CES3: variants seen among roughly 807,000 people sequenced by gnomAD.
The protein encoded by CES3 is carboxylesterase 3 (brain).
Under a neutral mutation model 57.6 loss-of-function variants are expected in CES3, and 49 were observed. The observed-to-expected ratio is 0.85, with a 90% CI of 0.68 to 1.08. The LOEUF (loss-of-function observed/expected upper bound fraction) is 1.08. CES3 is among the 50% of genes least tolerant of loss of function. CES3 has a pLI of 0.00. For synonymous variants in CES3, 266 were observed against 281.6 expected (o/e 0.94, Z 0.55); for missense variants, 645 against 742.0 (o/e 0.87, Z 1.52).
Position 66,963,903 on chromosome 16 carries a change from C to G in CES3, c.528C>G (p.Val176=). ...AAYGDVVVVT[V]QYRLGVLGFF... is the part of the protein sequence containing the mutation. ...ATGGGGATGTGGTCGTGGTTACAGT[C>G]CAGTACCGCCTTGGGGTCCTTGGCT... is the stretch of plus-strand genomic sequence containing the variant. Residue 176 remains valine (V), a synonymous_variant, in exon 4 of 13, where the codon GTC becomes GTG. Transcript: ENST00000303334. This position sits in a 1 kb window ranked among gnomAD's most constrained non-coding sequence, Gnocchi z 4.9. The G allele has an allele frequency of 6.2e-7, 1 of 1,614,058 alleles. No individual in the cohort carries two copies.
chr16:66,968,642 G>A (rs750129019), intron 8 of CES3, among the ~76,000 whole-genome samples: 2 of 152,118 alleles, frequency 1.3e-5, no homozygotes, highest in East Asian at 1.9e-4. Flanking sequence ...AGCCGGGTGC[G>A]GTGGCTCATG....
Position 66,973,385 on chromosome 16 carries a change from T to C in CES3, c.*336T>C. The C allele has an allele frequency of 8.3e-6, 2 of 242,218 alleles. No homozygotes were observed. Among genetic ancestry groups the C allele is most frequent in the South Asian group, 1.3e-4 (2 of 15,426 alleles). 15.0% of individuals were successfully genotyped at this position (242,218 alleles called of 1,614,324 possible). ...TGTGCGGCCCCGAGTCTGCGTCCAT[T>C]AGAGCACAGTCCACCCGAGGCTAGC... is the stretch of plus-strand genomic sequence containing the variant. On this transcript the variant is annotated 3_prime_UTR_variant, in exon 13 of 13. Coordinates refer to ENST00000303334, the MANE Select transcript of CES3 (RefSeq NM_024922.6).
chr16:66,961,341 CTGGTCGGGG>C lies in CES3; in HGVS notation c.40_48del (p.Gly14_Val16del), dbSNP rs1963648647. On this transcript the variant is annotated inframe_deletion, in exon 1 of 13. Coordinates refer to ENST00000303334, the MANE Select transcript of CES3 (RefSeq NM_024922.6). ...AGCAGTGAGAGTGGAGTCCGGGGTC[CTGGTCGGGG>C]TGGTCTGTCTGCTCCTGGCATGCCC... The C allele has an allele frequency of 6.2e-7, 1 of 1,613,694 alleles. No individual in the cohort carries two copies. Among genetic ancestry groups the C allele is most frequent in the East Asian group, 2.2e-5 (1 of 44,892 alleles).
chr16:66,964,299 C>T, intron 4 of CES3, 58 bp from the exon 5 acceptor site: 6 of 1,588,886 alleles, frequency 3.8e-6, no homozygotes, highest in Non-Finnish European at 5.1e-6. Context: ...CAAAGCAAAC[C>T]TGCAGAGGCT....
intron 1 of CES3, 41 bp downstream of exon 1, chr16:66,961,430 G>A (rs71647884): frequency 0.012 from 18,081 of 1,518,170 alleles, 147 homozygotes; most frequent in Middle Eastern, 0.019. Flanking sequence ...ACTTGGTGTG[G>A]AGGAGTCAAG....
intron 9 of CES3, among the ~76,000 whole-genome samples, 165 bp downstream of exon 9, chr16:66,969,924 C>A (rs1332135290): frequency 6.6e-6 from 1 of 152,128 alleles, no homozygotes; most frequent in African/African-American, 2.4e-5. Context: ...ACTCCGGAAT[C>A]TCCTTAGATA....
chr16:66,970,822 C>A (rs188479522), intron 9 of CES3, among the ~76,000 whole-genome samples: 1 of 152,336 alleles, frequency 6.6e-6, no homozygotes, highest in Non-Finnish European at 1.5e-5. Context: ...AGGGGAGCCC[C>A]TATCATTTCT....
chr16:66,966,194 G>C, intron 6 of CES3, 50 bp from the exon 7 acceptor site: 1 of 1,550,616 alleles, frequency 6.4e-7, no homozygotes. Context: ...AGGCTGCAAG[G>C]TGGGGCTGAG....
chr16:66,967,610 T>A (rs1218317980), intron 8 of CES3: 1 of 985,272 alleles, frequency 1.0e-6, no homozygotes, highest in Non-Finnish European at 1.2e-6. Context: ...AGCACTGTGC[T>A]TTCATCCCGA....
intron 10 of CES3, 68 bp downstream of exon 10, chr16:66,971,387 G>T: frequency 6.5e-7 from 1 of 1,534,352 alleles, no homozygotes; most frequent in South Asian, 1.2e-5. Context: ...CATCACAGGT[G>T]ACATGGCATG....
chr16:66,966,983 G>T lies in CES3; in HGVS notation c.1062+118G>T, dbSNP rs1963742660. ...CTCCCGTTACTCCCATTTGATAAGT[G>T]AGAAAGCAGAGGCCCAGAAAGGTTT... On this transcript the variant is annotated intron_variant, in intron 8 of 12. Transcript: ENST00000303334. 5 of 1,230,860 alleles carry T rather than the reference G, an allele frequency of 4.1e-6. No individual in the cohort carries two copies. The Admixed American group carries it at 6.3e-5, about 16-fold the overall frequency. The allele number at this position is 1,230,860 out of a possible 1,614,324, so 76.2% of individuals were successfully genotyped here.
chr16:66,964,746 C>T lies in CES3; in HGVS notation c.819+19C>T. 6.2e-7 allele frequency: 1 copy of T among 1,602,708 alleles called. No individual in the cohort carries two copies. The highest frequency in any genetic ancestry group is 8.5e-7 in the Non-Finnish European group (1 of 1,170,716). On this transcript the variant is annotated intron_variant, in intron 6 of 12. Coordinates refer to ENST00000303334, the MANE Select transcript of CES3 (RefSeq NM_024922.6). ...AGCTCAGGTCTGTATTTCCTTCCCT[C>T]TCTTACTCTATGTGTGCCTCCCATA... is the stretch of plus-strand genomic sequence containing the variant.
intron 4 of CES3, 106 bp from the exon 5 acceptor site, chr16:66,964,251 G>A: frequency 6.9e-7 from 1 of 1,458,800 alleles, no homozygotes; most frequent in East Asian, 2.3e-5. Flanking sequence ...GGCCAGACCT[G>A]GGGAGCAGAG....
At position 66,963,122 on chromosome 16, in the gene CES3, T is replaced by A; in HGVS notation, c.83-57T>A. ...AACAGCCTGAGGGTTTGTCTTTCAC[T>A]CCTTCCCCTCATGGGGGCTGCAAAC... is the stretch of plus-strand genomic sequence containing the variant. On this transcript the variant is annotated intron_variant, in intron 1 of 12. Coordinates refer to ENST00000303334, the MANE Select transcript of CES3 (RefSeq NM_024922.6). The surrounding 1 kb of genome is among the most constrained non-coding windows in gnomAD (Gnocchi z 4.9). 6.4e-7 allele frequency: 1 copy of A among 1,559,866 alleles called. No homozygotes were observed. Among genetic ancestry groups the A allele is most frequent in the African/African-American group, 1.4e-5 (1 of 73,998 alleles).
In CES3 at chr16:66,964,221, C is replaced by G; in HGVS notation, c.561-136C>G. On this transcript the variant is annotated intron_variant, in intron 4 of 12. Coordinates refer to ENST00000303334, the MANE Select transcript of CES3 (RefSeq NM_024922.6). Reference sequence around the variant, plus strand: ...CAAAGAGCAACAGGCTGTGGAGATGCCAACCACGGCTCCCAGACAGGCCAG... The same window carrying G: ...CAAAGAGCAACAGGCTGTGGAGATGGCAACCACGGCTCCCAGACAGGCCAG... The G allele has an allele frequency of 3.2e-6, 4 of 1,246,244 alleles. No individual in the cohort carries two copies. In the South Asian group the frequency reaches 5.9e-5, roughly 18 times the overall value. 77.2% of individuals were successfully genotyped at this position (1,246,244 alleles called of 1,614,324 possible).
At chr16:66,962,254 G>A (rs1261634724) in intron 1 of CES3, among the ~76,000 whole-genome samples, 1 of 152,188 alleles carries the variant, frequency 6.6e-6, no homozygotes. Flanking sequence ...GTTGGGTATG[G>A]CTCTGGACTG....
chr16:66,967,017 T>C, intron 8 of CES3, 152 bp downstream of exon 8: 1 of 894,898 alleles, frequency 1.1e-6, no homozygotes, highest in Non-Finnish European at 1.7e-6. Flanking sequence ...TTGAGGGACT[T>C]GCCCAAGGTC....
In CES3 at chr16:66,963,065, G is replaced by A; in HGVS notation, c.83-114G>A. 1 of 1,129,734 alleles carries A rather than the reference G, an allele frequency of 8.9e-7. No individual in the cohort carries two copies. The highest frequency in any genetic ancestry group is 1.3e-6 in the Non-Finnish European group (1 of 763,012). 70.0% of individuals were successfully genotyped at this position (1,129,734 alleles called of 1,614,324 possible). A position where few individuals can be genotyped will look rare whatever the true frequency, so the allele number is the denominator to read the frequency against. On this transcript the variant is annotated intron_variant, in intron 1 of 12. Coordinates refer to ENST00000303334, the MANE Select transcript of CES3 (RefSeq NM_024922.6). This position sits in a 1 kb window ranked among gnomAD's most constrained non-coding sequence, Gnocchi z 4.9. ...ACCAGGCTCACCGGCTTGCTGGGAAGGTTACCAAGATGCTGTGTGGTAAGT... is the reference window on the plus strand; with the variant it reads ...ACCAGGCTCACCGGCTTGCTGGGAAAGTTACCAAGATGCTGTGTGGTAAGT...
At chr16:66,972,279 T>C in intron 10 of CES3, 77 bp from the exon 11 acceptor site, 2 of 1,381,318 alleles carry the variant, frequency 1.4e-6, no homozygotes, top group Non-Finnish European at 9.7e-7. Flanking sequence ...ATTGGTGTTA[T>C]TATGAGCATG....
Sources: gnomAD v4.1 joint callset for allele counts (sites outside exome capture counted in the v4.1 genomes callset) on GRCh38, gnomAD v4.1.1 for gene constraint, Gnocchi (gnomAD v3.1) non-coding constraint, MANE v1.5 for transcripts, NCBI Gene and HGNC (gene_info 2026-07-23, HGNC 2026-07-21) for gene names.